Variants in ZNF385D observed in about 807,000 individuals in gnomAD.
ZNF385D encodes the protein zinc finger protein 385D, also known as zinc finger protein 659.
A neutral mutation model predicts 35.8 loss-of-function variants in ZNF385D; 15 were observed. That is an observed-to-expected ratio of 0.42 (90% confidence interval 0.28 to 0.64). The LOEUF (loss-of-function observed/expected upper bound fraction) is 0.64. Among genes scored for constraint, ZNF385D ranks in the 30% least tolerant of loss-of-function variants. ZNF385D has a pLI of 0.23. For missense variants in ZNF385D, 474 were observed against 494.6 expected, an observed-to-expected ratio of 0.96 and a Z score of 0.39; for synonymous variants, 212 against 186.8, an observed-to-expected ratio of 1.13 and a Z score of -1.10.
At chr3:22,361,493 A>C (rs56737762) in intron 2 of ZNF385D, among the ~76,000 whole-genome samples, 1 of 152,008 alleles carries the variant, frequency 6.6e-6, no homozygotes, top group South Asian at 2.1e-4. Flanking sequence ...CTTCACATCA[A>C]ATCTGACTGT....
At chr3:22,234,387 A>T (rs1292545121) in intron 2 of ZNF385D, among the ~76,000 whole-genome samples, 1 of 152,136 alleles carries the variant, frequency 6.6e-6, no homozygotes, top group Non-Finnish European at 1.5e-5. Flanking sequence ...GTCTTTGGCA[A>T]TCTCTTCCTC....
At chr3:21,729,412 A>G (rs937624896) in intron 1 of ZNF385D, among the ~76,000 whole-genome samples, 13 of 152,098 alleles carry the variant, frequency 8.5e-5, no homozygotes, top group African/African-American at 3.1e-4. Flanking sequence ...AAAATGGATT[A>G]TCTTCCCACT....
chr3:22,202,508 A>C (rs1696866509), intron 2 of ZNF385D, among the ~76,000 whole-genome samples: 1 of 152,054 alleles, frequency 6.6e-6, no homozygotes, highest in Admixed American at 6.6e-5. Context: ...GCCAAATGGA[A>C]GCTTCTACTG....
At chr3:22,203,462 TGAGAAAAGCA>T (rs1412493859) in intron 2 of ZNF385D, among the ~76,000 whole-genome samples, 3 of 152,184 alleles carry the variant, frequency 2.0e-5, no homozygotes, top group African/African-American at 7.2e-5. Context: ...CCCTTCTTCT[TGAGAAAAGCA>T]GAGGAAAGAA....
In ZNF385D at chr3:21,420,857, T is replaced by C. The variant is rs1443221051; in HGVS notation, c.*357A>G. On this transcript the variant is annotated 3_prime_UTR_variant, in exon 8 of 8. Coordinates refer to ENST00000281523, the MANE Select transcript of ZNF385D (RefSeq NM_024697.3). ...ATACATTGGAACCAGTTAATGCCCTTAGACAATGTATAGTTGTTTCATAAA... is the reference window on the plus strand; with the variant it reads ...ATACATTGGAACCAGTTAATGCCCTCAGACAATGTATAGTTGTTTCATAAA... The C allele has an allele frequency of 5.2e-6, 1 of 191,274 alleles. No individual in the cohort carries two copies. The highest frequency in any genetic ancestry group is 1.2e-4 in the East Asian group (1 of 8,116). The allele number at this position is 191,274 out of a possible 1,614,324, so 11.8% of individuals were successfully genotyped here.
At chr3:22,074,958 G>T (rs1167984845) in intron 3 of ZNF385D, among the ~76,000 whole-genome samples, 2 of 151,848 alleles carry the variant, frequency 1.3e-5, no homozygotes, top group Admixed American at 1.3e-4. Context: ...GGTGAGAAAA[G>T]GGGGGTGCTT....
At chr3:21,573,176 C>T (rs1390306139) in intron 2 of ZNF385D, among the ~76,000 whole-genome samples, 1 of 152,132 alleles carries the variant, frequency 6.6e-6, no homozygotes, top group African/African-American at 2.4e-5. Flanking sequence ...TGTCTACACC[C>T]TCTAAATCAA....
At chr3:22,066,469 T>TGTGTGTGG (rs1184774325) in intron 3 of ZNF385D, among the ~76,000 whole-genome samples, 3 of 141,392 alleles carry the variant, frequency 2.1e-5, no homozygotes, top group Non-Finnish European at 4.6e-5. Context: ...CCCGTGTGTG[T>TGTGTGTGG]GTGTGTGTGT....
rs562340607 is a variant in ZNF385D at position 21,474,434 on chromosome 3, T to C, written c.439+36427A>G. Among the ~76,000 whole-genome samples, 5 of 152,210 alleles carry C rather than the reference T, an allele frequency of 3.3e-5. No homozygotes were observed. The South Asian group carries it at 1.0e-3, about 32-fold the overall frequency. The stretch of plus-strand genomic sequence containing the variant: ...AACAAATGTGTGCTAAATAATCTGA[T>C]CTCATTCTATCCTTTCAGGTAACAT... On this transcript the variant is annotated intron_variant, in intron 4 of 7. Transcript: ENST00000281523.
chr3:21,944,004 C>A (rs1701658469), intron 3 of ZNF385D, among the ~76,000 whole-genome samples: 1 of 152,140 alleles, frequency 6.6e-6, no homozygotes, highest in South Asian at 2.1e-4. Flanking sequence ...ATTCAACAAA[C>A]AGAATGAAGC....
intron 3 of ZNF385D, among the ~76,000 whole-genome samples, chr3:22,145,869 G>C (rs1316017607): frequency 2.6e-5 from 4 of 152,018 alleles, no homozygotes; most frequent in African/African-American, 9.7e-5. Context: ...TCAACATGAG[G>C]GTTCCCAAAC....
At chr3:22,176,026 A>G (rs957620779) in intron 2 of ZNF385D, among the ~76,000 whole-genome samples, 1 of 149,782 alleles carries the variant, frequency 6.7e-6, no homozygotes, top group African/African-American at 2.5e-5. Flanking sequence ...CACAAGCTGT[A>G]AAGTACCATT....
chr3:21,813,083 G>A (rs915393289), intron 3 of ZNF385D, among the ~76,000 whole-genome samples: 5 of 152,118 alleles, frequency 3.3e-5, no homozygotes, highest in African/African-American at 1.2e-4. Context: ...AGGCAAACAG[G>A]GTCTGGAGTG....
At chr3:21,998,845 CAT>C (rs1393369594) in intron 3 of ZNF385D, among the ~76,000 whole-genome samples, 2 of 152,320 alleles carry the variant, frequency 1.3e-5, no homozygotes, top group Non-Finnish European at 2.9e-5. Flanking sequence ...TACGCACACA[CAT>C]AGACACAGAC....
At chr3:21,910,165 G>C (rs760964288) in intron 3 of ZNF385D, among the ~76,000 whole-genome samples, 1 of 151,676 alleles carries the variant, frequency 6.6e-6, no homozygotes, top group Non-Finnish European at 1.5e-5. Flanking sequence ...CTCCATGATA[G>C]GATTGCACCG....
chr3:21,886,987 T>C (rs1698581093), intron 3 of ZNF385D, among the ~76,000 whole-genome samples: 1 of 152,158 alleles, frequency 6.6e-6, no homozygotes. Flanking sequence ...GGATTTAACA[T>C]GTTCCTTTCC....
chr3:22,015,560 T>C (rs1696833465), intron 3 of ZNF385D, among the ~76,000 whole-genome samples: 2 of 152,150 alleles, frequency 1.3e-5, no homozygotes, highest in Admixed American at 6.5e-5. Context: ...TCATCTAGTC[T>C]GGCACCCTTG....
chr3:21,693,148 A>G (rs565620970), intron 1 of ZNF385D, among the ~76,000 whole-genome samples: 28 of 152,274 alleles, frequency 1.8e-4, no homozygotes, highest in East Asian at 1.7e-3. Flanking sequence ...TGATACCTCA[A>G]TGAGGGATAA....
intron 3 of ZNF385D, among the ~76,000 whole-genome samples, chr3:21,854,337 AACTT>A (rs1372593969): frequency 6.6e-6 from 1 of 151,990 alleles, no homozygotes; most frequent in African/African-American, 2.4e-5. Flanking sequence ...TTGCCTAGGA[AACTT>A]AAAGTATCTC....
Sources: gnomAD v4.1 joint callset for allele counts (sites outside exome capture counted in the v4.1 genomes callset) on GRCh38, gnomAD v4.1.1 for gene constraint, MANE v1.5 for transcripts, NCBI Gene and HGNC (gene_info 2026-07-23, HGNC 2026-07-21) for gene names.